PRKN: variants seen among roughly 807,000 people sequenced by gnomAD.
The protein encoded by PRKN is parkin RBR E3 ubiquitin protein ligase, also known as E3 ubiquitin-protein ligase parkin.
Under a neutral mutation model 59.5 loss-of-function variants are expected in PRKN, and 56 were observed. The observed-to-expected ratio is 0.94, with a 90% CI of 0.76 to 1.18. The LOEUF is 1.18. PRKN is among the 50% of genes most tolerant of loss of function. The pLI, the probability that PRKN is intolerant of heterozygous loss-of-function variation, is 0.00. For missense variants in PRKN, 657 were observed against 596.4 expected (o/e 1.10, Z -1.06); for synonymous variants, 250 against 222.1 (o/e 1.13, Z -1.12).
chr6:161,758,356 T>C (rs1359818623), intron 7 of PRKN, among the ~76,000 whole-genome samples: 1 of 152,114 alleles, frequency 6.6e-6, no homozygotes, highest in African/African-American at 2.4e-5. Flanking sequence ...GATAAGCAAA[T>C]TGTGGTTGTA....
chr6:161,771,225 G>A (rs902481949), intron 7 of PRKN, among the ~76,000 whole-genome samples: 8 of 151,808 alleles, frequency 5.3e-5, no homozygotes, highest in Non-Finnish European at 8.8e-5. Flanking sequence ...GCATCATGGC[G>A]GGCACCTGTG....
At chr6:162,352,139 A>G (rs1162300834) in intron 2 of PRKN, among the ~76,000 whole-genome samples, 1 of 152,120 alleles carries the variant, frequency 6.6e-6, no homozygotes, top group Non-Finnish European at 1.5e-5. Context: ...TGGACTTCAC[A>G]AACAGCAGCA....
At chr6:162,471,719 A>G (rs1329297928) in intron 1 of PRKN, among the ~76,000 whole-genome samples, 1 of 152,236 alleles carries the variant, frequency 6.6e-6, no homozygotes, top group African/African-American at 2.4e-5. Flanking sequence ...GGATGTATCT[A>G]CTTCTGTTAC....
At chr6:162,329,515 C>G (rs1783478607) in intron 2 of PRKN, among the ~76,000 whole-genome samples, 3 of 152,062 alleles carry the variant, frequency 2.0e-5, no homozygotes, top group Non-Finnish European at 4.4e-5. Flanking sequence ...TCAGGTCTGG[C>G]CTTGGTGATG....
At chr6:162,029,737 G>T (rs1044318792) in intron 5 of PRKN, among the ~76,000 whole-genome samples, 2 of 152,124 alleles carry the variant, frequency 1.3e-5, no homozygotes, top group African/African-American at 4.8e-5. Context: ...CATTATTTTT[G>T]TTGTTGTTAT....
At chr6:161,732,958 A>G (rs1787784553) in intron 7 of PRKN, among the ~76,000 whole-genome samples, 1 of 152,216 alleles carries the variant, frequency 6.6e-6, no homozygotes, top group Non-Finnish European at 1.5e-5. Context: ...CTTTGGAGCA[A>G]CAGCACCATA....
At chr6:161,642,588 T>G (rs1783783440) in intron 7 of PRKN, among the ~76,000 whole-genome samples, 1 of 151,834 alleles carries the variant, frequency 6.6e-6, no homozygotes, top group South Asian at 2.1e-4. Context: ...AGACAAAAAA[T>G]AAGGTGTCAG....
At chr6:162,587,201 A>G (rs1015764640) in intron 1 of PRKN, among the ~76,000 whole-genome samples, 1 of 152,108 alleles carries the variant, frequency 6.6e-6, no homozygotes, top group East Asian at 1.9e-4. Flanking sequence ...CAGTGGCGCA[A>G]TCTCGGCTCA....
intron 7 of PRKN, among the ~76,000 whole-genome samples, chr6:161,754,506 G>A (rs369203869): frequency 5.3e-5 from 8 of 152,094 alleles, no homozygotes; most frequent in South Asian, 4.1e-4. Context: ...GCTGCGGTGC[G>A]TGATTAGCAG....
intron 2 of PRKN, among the ~76,000 whole-genome samples, chr6:162,302,513 G>T (rs574480477): frequency 6.6e-6 from 1 of 152,068 alleles, no homozygotes; most frequent in East Asian, 1.9e-4. Flanking sequence ...ACTGTGGCAC[G>T]GAATGCAGGC....
intron 9 of PRKN, among the ~76,000 whole-genome samples, chr6:161,537,999 C>T (rs182921691): frequency 3.9e-5 from 6 of 152,272 alleles, no homozygotes; most frequent in African/African-American, 9.6e-5. Context: ...ATAACCAACA[C>T]GGCTTTGTGA....
intron 9 of PRKN, among the ~76,000 whole-genome samples, chr6:161,464,225 G>C (rs1032509646): frequency 1.4e-4 from 22 of 152,136 alleles, no homozygotes; most frequent in African/African-American, 4.8e-4. Context: ...TGTTGGTCAG[G>C]CTGGTCTTAT....
intron 7 of PRKN, among the ~76,000 whole-genome samples, chr6:161,724,810 G>GAT (rs1340244308): frequency 1.3e-5 from 2 of 152,118 alleles, no homozygotes; most frequent in African/African-American, 4.8e-5. Flanking sequence ...ATATAATTTG[G>GAT]ATATATGTCC....
At chr6:161,810,687 T>C (rs796898394) in intron 6 of PRKN, among the ~76,000 whole-genome samples, 17 of 152,354 alleles carry the variant, frequency 1.1e-4, no homozygotes, top group African/African-American at 3.4e-4. Flanking sequence ...AAAATGATTA[T>C]TTGCAACATT....
chr6:162,683,366 G>C (rs1338808450), intron 1 of PRKN, among the ~76,000 whole-genome samples: 2 of 152,134 alleles, frequency 1.3e-5, no homozygotes, highest in Non-Finnish European at 2.9e-5. Flanking sequence ...ATTCTACTGT[G>C]AACGAGCTGT....
In PRKN at chr6:162,458,247, C is replaced by G. The variant is rs180795534; in HGVS notation, c.8-14774G>C. Among the ~76,000 whole-genome samples, 48 of 98,022 alleles carry G rather than the reference C, an allele frequency of 4.9e-4. No homozygotes were observed. The East Asian group carries it at 0.01, about 21-fold the overall frequency. The allele number at this position is 98,022 out of a possible 152,430, so 64.3% of individuals were successfully genotyped here. ...CTCCAGCCTGGGTGATAGAGTGAGA[C>G]TCTATCTCAAAAAAAAAAAAAAAAA... On this transcript the variant is annotated intron_variant, in intron 1 of 11. Coordinates refer to ENST00000366898, the MANE Select transcript of PRKN (RefSeq NM_004562.3).
chr6:162,341,956 T>C (rs761166028), intron 2 of PRKN, among the ~76,000 whole-genome samples: 51 of 152,078 alleles, frequency 3.4e-4, no homozygotes, highest in Non-Finnish European at 1.3e-4. Flanking sequence ...CAAATGTTCT[T>C]CTAAATCTAG....
intron 4 of PRKN, among the ~76,000 whole-genome samples, chr6:162,077,896 T>G (rs4538684): frequency 0.82 from 122,993 of 150,580 alleles, 50,348 homozygotes; most frequent in Admixed American, 0.88. Context: ...GCTAACTCAG[T>G]AGGGTGAGGC....
intron 7 of PRKN, among the ~76,000 whole-genome samples, chr6:161,703,851 T>C (rs910133072): frequency 1.6e-3 from 22 of 13,566 alleles, no homozygotes; most frequent in Non-Finnish European, 3.3e-3. Flanking sequence ...TTTTTTTTTT[T>C]TTTTTTTTTT....
Sources: gnomAD v4.1 joint callset for allele counts (sites outside exome capture counted in the v4.1 genomes callset) on GRCh38, gnomAD v4.1.1 for gene constraint, MANE v1.5 for transcripts, NCBI Gene and HGNC (gene_info 2026-07-23, HGNC 2026-07-21) for gene names.